The following SEC23A variants were observed in gnomAD, a reference collection of about 807,000 sequenced individuals.
SEC23A encodes protein transport protein Sec23A.
A neutral mutation model predicts 103.7 loss-of-function variants in SEC23A; 56 were observed. That is an observed-to-expected ratio of 0.54 (90% CI 0.44 to 0.67). SEC23A has a LOEUF of 0.67. SEC23A is among the 30% of genes least tolerant of loss of function. The probability of loss-of-function intolerance (pLI) is 0.00; values close to 1 mark genes in which losing one functional copy is unlikely to be tolerated. For synonymous variants in SEC23A, 281 were observed against 293.0 expected (o/e 0.96, Z 0.42); for missense variants, 784 against 936.4 (o/e 0.84, Z 2.12).
intron 18 of SEC23A, chr14:39,039,836 T>C (rs1002769073): frequency 6.6e-6 from 1 of 152,188 alleles, no homozygotes; most frequent in African/African-American, 2.4e-5. Context: ...TAGATCTCAG[T>C]TTTATTATCT....
At chr14:39,063,205 A>C (rs1015914371) in intron 12 of SEC23A, 119 bp downstream of exon 12, 4 of 637,762 alleles carry the variant, frequency 6.3e-6, no homozygotes, top group Non-Finnish European at 1.1e-5. Context: ...CCAATACAGA[A>C]AATAAATGTT....
At chr14:39,082,480 T>A (rs1887261783) in intron 7 of SEC23A, among the ~76,000 whole-genome samples, 1 of 152,082 alleles carries the variant, frequency 6.6e-6, no homozygotes. Flanking sequence ...TATCTCCTAA[T>A]AAGATATTTA....
At chr14:39,101,614 C>A (rs1276211859) in intron 1 of SEC23A, among the ~76,000 whole-genome samples, 1 of 144,390 alleles carries the variant, frequency 6.9e-6, no homozygotes, top group East Asian at 2.3e-4. Flanking sequence ...CAGAGCGAGA[C>A]TCCGTCTCAA....
At chr14:39,072,309 C>T (rs1398644089) in intron 9 of SEC23A, among the ~76,000 whole-genome samples, 1 of 151,404 alleles carries the variant, frequency 6.6e-6, no homozygotes, top group African/African-American at 2.4e-5. Flanking sequence ...GATTTATATC[C>T]AAATAACAAA....
Position 39,092,563 on chromosome 14 carries a change from G to C in SEC23A, c.344C>G (p.Ser115Cys). Residue 115 changes from serine (S) to cysteine (C), a missense_variant, in exon 4 of 20, where the codon TCT (serine) becomes TGT (cysteine). This residue lies in a region of SEC23A where 683 missense variants were observed against 774.2 expected (regional missense o/e 0.88). Coordinates refer to ENST00000307712, the MANE Select transcript of SEC23A (RefSeq NM_006364.4). ...NQPAELLPQF[S>C]SIEYVVLRGP... Reference sequence around the variant, plus strand: ...TACCAGAACTACATATTCAATGCTAGAAAACTGAGGTAAAAGTTCAGCAGG... The same window carrying C: ...TACCAGAACTACATATTCAATGCTACAAAACTGAGGTAAAAGTTCAGCAGG... 1 of 1,608,328 alleles carries C rather than the reference G, an allele frequency of 6.2e-7. No homozygotes were observed. Among genetic ancestry groups the C allele is most frequent in the Non-Finnish European group, 8.5e-7 (1 of 1,175,476 alleles).
chr14:39,061,727 G>A lies in SEC23A; in HGVS notation c.1505+38C>T, dbSNP rs1886486586. 7 of 1,410,806 alleles carry A rather than the reference G, an allele frequency of 5.0e-6. No individual in the cohort carries two copies. The East Asian group carries it at 9.1e-5, about 18-fold the overall frequency. 87.4% of individuals were successfully genotyped at this position (1,410,806 alleles called of 1,614,324 possible). On this transcript the variant is annotated intron_variant, in intron 13 of 19. Coordinates refer to ENST00000307712, the MANE Select transcript of SEC23A (RefSeq NM_006364.4). The stretch of plus-strand genomic sequence containing the variant: ...GTTTGGAAACACAACCCAGATACCT[G>A]TGATATGAAAATCAAATCTCTAACA...
intron 13 of SEC23A, among the ~76,000 whole-genome samples, chr14:39,059,278 T>TAAAAAAAAAAAAAAAAAAAAAAAAAAA (rs750853379): frequency 1.4e-5 from 1 of 71,826 alleles, no homozygotes; most frequent in African/African-American, 5.1e-5. Context: ...AGTCCTAGTT[T>TAAAAAAAAAAAAAAAAAAAAAAAAAAA]AAAAAAAAAA....
At chr14:39,089,925 C>T (rs1273079885) in intron 5 of SEC23A, among the ~76,000 whole-genome samples, 1 of 152,230 alleles carries the variant, frequency 6.6e-6, no homozygotes, top group Non-Finnish European at 1.5e-5. Flanking sequence ...CAATGCAGTC[C>T]AGCCTGGGTG....
chr14:39,058,400 C>T (rs555926214), intron 13 of SEC23A, among the ~76,000 whole-genome samples: 95 of 152,192 alleles, frequency 6.2e-4, no homozygotes, highest in African/African-American at 1.9e-3. Context: ...CTCCGCTTCC[C>T]GGGTTCACGC....
chr14:39,042,647 C>A, intron 17 of SEC23A, 139 bp downstream of exon 17: 1 of 631,546 alleles, frequency 1.6e-6, no homozygotes, highest in Non-Finnish European at 2.8e-6. Flanking sequence ...TAGTAGGCAG[C>A]ATCATATTTT....
At chr14:39,099,565 T>C (rs970524856) in intron 1 of SEC23A, among the ~76,000 whole-genome samples, 5 of 152,204 alleles carry the variant, frequency 3.3e-5, no homozygotes, top group Admixed American at 6.6e-5. Flanking sequence ...ATTTGTTTGA[T>C]AGTATATAAC....
intron 13 of SEC23A, among the ~76,000 whole-genome samples, chr14:39,060,253 T>C (rs917087517): frequency 1.3e-5 from 2 of 152,142 alleles, no homozygotes; most frequent in Admixed American, 6.6e-5. Context: ...ATGTATCCCC[T>C]TGACATTGTT....
At chr14:39,052,471 C>T (rs1166431042) in intron 14 of SEC23A, among the ~76,000 whole-genome samples, 1 of 151,794 alleles carries the variant, frequency 6.6e-6, no homozygotes, top group Admixed American at 6.6e-5. Context: ...AAGGGACATA[C>T]AAAAAAAATC....
intron 9 of SEC23A, among the ~76,000 whole-genome samples, chr14:39,070,836 G>C (rs1886817929): frequency 6.6e-6 from 1 of 152,114 alleles, no homozygotes. Context: ...AGACTAGCCT[G>C]ACCAACATGG....
At chr14:39,095,194 G>C (rs754887682) in intron 2 of SEC23A, among the ~76,000 whole-genome samples, 5 of 152,132 alleles carry the variant, frequency 3.3e-5, no homozygotes, top group African/African-American at 7.2e-5. Flanking sequence ...TGGATTGGCT[G>C]GGGGGAGAGG....
rs968635742 is a variant in SEC23A at position 39,096,407 on chromosome 14, G to A, written c.-21-268C>T. 7.5e-4 allele frequency among the ~76,000 whole-genome samples: 114 copies of A among 152,046 alleles called. 1 individual carries two copies. The highest frequency in any genetic ancestry group is 2.1e-4 in the Non-Finnish European group (14 of 68,022). On this transcript the variant is annotated intron_variant, in intron 1 of 19. Coordinates refer to ENST00000307712, the MANE Select transcript of SEC23A (RefSeq NM_006364.4). ...TAGCCAGGCATGGTGGCGTATGCCT[G>A]TAATCCCAGCTACTCAGGAGGCTGA...
chr14:39,056,264 C>A (rs1397496620), intron 13 of SEC23A, among the ~76,000 whole-genome samples: 1 of 152,138 alleles, frequency 6.6e-6, no homozygotes, highest in Admixed American at 6.5e-5. Context: ...CAATAAAATC[C>A]TCCTGTTCTA....
intron 19 of SEC23A, among the ~76,000 whole-genome samples, chr14:39,038,432 A>C (rs1271730404): frequency 6.6e-6 from 1 of 152,204 alleles, no homozygotes; most frequent in Admixed American, 6.5e-5. Context: ...ATGGGTAATA[A>C]CTGCACCCTA....
intron 19 of SEC23A, 32 bp from the exon 20 acceptor site, chr14:39,033,360 A>G (rs777344084): frequency 7.3e-7 from 1 of 1,376,328 alleles, no homozygotes; most frequent in South Asian, 1.2e-5. Flanking sequence ...TTATGATTAA[A>G]GCATAGGGTG....
Sources: allele counts gnomAD v4.1 joint callset (sites outside exome capture counted in the v4.1 genomes callset), GRCh38; gene constraint gnomAD v4.1.1; regional missense constraint gnomAD v4.1.1; transcripts MANE v1.5; gene names NCBI Gene and HGNC (gene_info 2026-07-23, HGNC 2026-07-21).